The following SPEG variants were observed in gnomAD, a reference collection of about 807,000 sequenced individuals.
SPEG encodes striated muscle enriched protein kinase.
Under a neutral mutation model 300.4 loss-of-function variants are expected in SPEG, and 114 were observed. The observed-to-expected ratio is 0.38, with a 90% CI of 0.33 to 0.44. The LOEUF (loss-of-function observed/expected upper bound fraction) is 0.44, where lower values mean the gene tolerates loss of function less well. Ranked by LOEUF, SPEG falls within the 20% of genes least tolerant of loss-of-function variation. The pLI is 1.00. For missense variants in SPEG, 4,201 were observed against 4,586.2 expected (o/e 0.92, Z 2.43); for synonymous variants, 1,964 against 2,018.9 (o/e 0.97, Z 0.73).
chr2:219,485,121 C>T, intron 30 of SPEG, 49 bp downstream of exon 30: 2 of 1,515,914 alleles, frequency 1.3e-6, no homozygotes, highest in Non-Finnish European at 8.8e-7. Flanking sequence ...GGGTGGGGTG[C>T]GCTGGAGAGA....
rs1185674409 is a variant in SPEG, at chr2:219,493,036, G to A, written c.*250G>A. 1.4e-6 allele frequency: 1 copy of A among 694,466 alleles called. No individual in the cohort carries two copies. 43.0% of individuals were successfully genotyped at this position (694,466 alleles called of 1,614,324 possible). ...CTCAGCAGGGTGGGAACAGGCAGAG[G>A]GACAAGAGGGGAATGGAGAAGTGGA... On this transcript the variant is annotated 3_prime_UTR_variant, in exon 41 of 41. Coordinates refer to ENST00000312358, the MANE Select transcript of SPEG (RefSeq NM_005876.5).
intron 10 of SPEG, 57 bp from the exon 11 acceptor site, chr2:219,468,521 T>G: frequency 6.3e-7 from 1 of 1,575,662 alleles, no homozygotes; most frequent in Non-Finnish European, 8.6e-7. Context: ...AGTGGTGGGT[T>G]GGGATGCCTG....
At chr2:219,482,640 A>C in intron 28 of SPEG, 144 bp from the exon 29 acceptor site, 1 of 673,728 alleles carries the variant, frequency 1.5e-6, no homozygotes, top group Non-Finnish European at 2.7e-6. Context: ...CCCAGGGGGA[A>C]GGGGACCCCC....
At chr2:219,441,533 AT>A (rs745987934) in intron 1 of SPEG, 2 of 470,388 alleles carry the variant, frequency 4.3e-6, no homozygotes, top group South Asian at 3.1e-5. Context: ...GTGTGCGCGC[AT>A]GTTTGTGGAA....
intron 6 of SPEG, chr2:219,460,904 G>T: frequency 1.0e-6 from 1 of 986,394 alleles, no homozygotes; most frequent in Non-Finnish European, 1.2e-6. Flanking sequence ...GAGCCACGCT[G>T]GGGTGGGCAG....
rs78286106 is a variant in SPEG at position 219,461,433 on chromosome 2, G to C, written c.2441-449G>C. On this transcript the variant is annotated intron_variant, in intron 6 of 40. Transcript: ENST00000312358. Reference sequence around the variant, plus strand: ...TGCGGTGTGTGTTCCTCTGCACCAGGCCCAGCTCACCCAAGAAATGGGCGT... The same window carrying C: ...TGCGGTGTGTGTTCCTCTGCACCAGCCCCAGCTCACCCAAGAAATGGGCGT... The C allele has an allele frequency of 7.6e-4, 785 of 1,028,402 alleles. 5 individuals are homozygous for C. In the African/African-American group the frequency reaches 0.013, roughly 17 times the overall value. 63.7% of individuals were successfully genotyped at this position (1,028,402 alleles called of 1,614,324 possible).
In SPEG at chr2:219,472,319, G is replaced by A. The variant is rs116911250; in HGVS notation, c.3928G>A (p.Asp1310Asn). ...CACATGGAACCCCCCCAGGAGTCTG[G>A]ACATGGCCATCGGTGGGTCAGGGCT... ...TLTWNPPRSLDMAIDPDSLTY... is the reference protein window; with the variant it reads ...TLTWNPPRSLNMAIDPDSLTY... The change falls in exon 15 of 41, where the codon GAC becomes AAC. Residue 1310 changes from aspartate (D) to asparagine (N), a missense_variant. Physicochemically the swap from Asp to Asn is conservative, Grantham distance 23 (BLOSUM62 1). This residue lies in a region of SPEG where 1,047 missense variants were observed against 1,356.8 expected (regional missense o/e 0.77). Coordinates refer to ENST00000312358, the MANE Select transcript of SPEG (RefSeq NM_005876.5). 6,570 of 1,613,640 alleles carry A rather than the reference G, an allele frequency of 4.1e-3. 139 individuals are homozygous for A. The East Asian group carries it at 0.053, about 13-fold the overall frequency.
rs1694111450 is a variant in SPEG at position 219,492,937 on chromosome 2, A to T, written c.*151A>T. 1 of 858,522 alleles carries T rather than the reference A, an allele frequency of 1.2e-6. No individual in the cohort carries two copies. The highest frequency in any genetic ancestry group is 1.9e-6 in the Non-Finnish European group (1 of 528,810). 53.2% of individuals were successfully genotyped at this position (858,522 alleles called of 1,614,324 possible). On this transcript the variant is annotated 3_prime_UTR_variant, in exon 41 of 41. Transcript: ENST00000312358. Reference sequence around the variant, plus strand: ...CTGGGCTCTTACCTCATAGACCTTCAAGGACAGAGACCCCAGGGCCTGGAC... The same window carrying T: ...CTGGGCTCTTACCTCATAGACCTTCTAGGACAGAGACCCCAGGGCCTGGAC...
chr2:219,447,994 T>C lies in SPEG; in HGVS notation c.836T>C (p.Leu279Ser). 20 of 1,612,594 alleles carry C rather than the reference T, an allele frequency of 1.2e-5. No individual in the cohort carries two copies. Among genetic ancestry groups the C allele is most frequent in the Non-Finnish European group, 1.7e-5 (20 of 1,179,890 alleles). Residue 279 changes from leucine (L) to serine (S), a missense_variant, in exon 4 of 41, where the codon TTG becomes TCG. By Grantham distance (145) the Leu-to-Ser change is moderately radical (BLOSUM62 -2). This residue lies in a region of SPEG where 1,258 missense variants were observed against 1,293.9 expected (regional missense o/e 0.97). Transcript: ENST00000312358. Reference protein sequence around the residue: ...SIHVSVPQSGLRREEPDLQPQ... With the variant: ...SIHVSVPQSGSRREEPDLQPQ... ...TGCAGCAGCGTCCCTCAGAGCGGGT[T>C]GCGCAGGGAGGAGCCCGACCTTCAG...
rs1462269922 is a variant in SPEG at position 219,477,249 on chromosome 2, AG to A, written c.4561-26del. 3.1e-6 allele frequency: 4 copies of A among 1,302,446 alleles called. No individual in the cohort carries two copies. The highest frequency in any genetic ancestry group is 4.2e-6 in the Non-Finnish European group (4 of 954,164). The allele number at this position is 1,302,446 out of a possible 1,614,324, so 80.7% of individuals were successfully genotyped here. A position where few individuals can be genotyped will look rare whatever the true frequency, so the allele number is the denominator to read the frequency against. On this transcript the variant is annotated intron_variant, in intron 19 of 40. Coordinates refer to ENST00000312358, the MANE Select transcript of SPEG (RefSeq NM_005876.5). The surrounding 1 kb of genome is among the most constrained non-coding windows in gnomAD (Gnocchi z 6.4). ...CCAAGGTAGAGATGAGGCCAGGCCC[AG>A]GCTGAAGGTGAGACCCCACTCTGCA...
intron 1 of SPEG, among the ~76,000 whole-genome samples, chr2:219,441,166 CAA>C (rs1688891210): frequency 6.6e-6 from 1 of 152,122 alleles, no homozygotes; most frequent in South Asian, 2.1e-4. Context: ...TTTGTGTATG[CAA>C]AGTGTGCATA....
intron 1 of SPEG, among the ~76,000 whole-genome samples, chr2:219,440,164 C>G (rs913003439): frequency 3.3e-5 from 5 of 152,180 alleles, no homozygotes; most frequent in Admixed American, 6.5e-5. Context: ...AGGAGAATAG[C>G]TTGAGCCCAG....
rs754391524 is a variant in SPEG, at chr2:219,473,692, A to G, written c.4272-36A>G. 5 of 1,613,100 alleles carry G rather than the reference A, an allele frequency of 3.1e-6. No individual in the cohort carries two copies. Among genetic ancestry groups the G allele is most frequent in the Non-Finnish European group, 4.2e-6 (5 of 1,179,280 alleles). On this transcript the variant is annotated intron_variant, in intron 17 of 40. Coordinates refer to ENST00000312358, the MANE Select transcript of SPEG (RefSeq NM_005876.5). This position sits in a 1 kb window ranked among gnomAD's most constrained non-coding sequence, Gnocchi z 4.6. ...CAGCCTGGCCGGAATGCCCTGGGGC[A>G]AGATCTGGGTGACCTCCCTGTCATG...
intron 31 of SPEG, among the ~76,000 whole-genome samples, chr2:219,486,226 C>T (rs1427994258): frequency 2.6e-5 from 4 of 152,232 alleles, no homozygotes; most frequent in Admixed American, 2.6e-4. Context: ...TGTGGGGTCA[C>T]CCCATCCCCC....
In SPEG at chr2:219,451,598, G is replaced by A. The variant is rs776982207; in HGVS notation, c.2258-27G>A. 48 of 1,493,226 alleles carry A rather than the reference G, an allele frequency of 3.2e-5. No individual in the cohort carries two copies. The Admixed American group carries it at 4.9e-4, about 15-fold the overall frequency. 92.5% of individuals were successfully genotyped at this position (1,493,226 alleles called of 1,614,324 possible). On this transcript the variant is annotated intron_variant, in intron 5 of 40. Transcript: ENST00000312358. The surrounding 1 kb of genome is among the most constrained non-coding windows in gnomAD (Gnocchi z 6.4). ...TCAGTGGGCGCCTGTGGGCCGTGGCGAGCCGGGTCCCTGTGCCTCCCCACA... is the reference window on the plus strand; with the variant it reads ...TCAGTGGGCGCCTGTGGGCCGTGGCAAGCCGGGTCCCTGTGCCTCCCCACA...
intron 1 of SPEG, among the ~76,000 whole-genome samples, chr2:219,440,348 G>A (rs761584242): frequency 3.0e-4 from 46 of 152,102 alleles, no homozygotes; most frequent in African/African-American, 9.4e-4. Flanking sequence ...TGATGGCACC[G>A]CTGCACTCTA....
chr2:219,478,323 GT>G (rs1692532916), intron 22 of SPEG, among the ~76,000 whole-genome samples: 1 of 152,164 alleles, frequency 6.6e-6, no homozygotes, highest in African/African-American at 2.4e-5. Flanking sequence ...TGTTCTAAGA[GT>G]TTTACAAATA....
chr2:219,446,324 G>A (rs1689285879), intron 3 of SPEG, among the ~76,000 whole-genome samples: 2 of 152,164 alleles, frequency 1.3e-5, no homozygotes, highest in Admixed American at 1.3e-4. Flanking sequence ...TTTCCTTAGT[G>A]ATGTCTATGG....
At chr2:219,471,390 C>G (rs1221058364) in intron 13 of SPEG, among the ~76,000 whole-genome samples, 4 of 152,138 alleles carry the variant, frequency 2.6e-5, no homozygotes, top group Non-Finnish European at 5.9e-5. Flanking sequence ...CTTTGCTGTC[C>G]TCCTGGAGGG....
Sources: allele counts gnomAD v4.1 joint callset (sites outside exome capture counted in the v4.1 genomes callset), GRCh38; gene constraint gnomAD v4.1.1; regional missense constraint gnomAD v4.1.1; non-coding constraint Gnocchi (gnomAD v3.1); transcripts MANE v1.5; gene names NCBI Gene and HGNC (gene_info 2026-07-23, HGNC 2026-07-21).